ULK4: variants seen among roughly 807,000 people sequenced by gnomAD.
ULK4 encodes inactive serine/threonine-protein kinase ULK4.
In ULK4, 133 loss-of-function variants were observed where a neutral mutation model predicts 160.6. That is an observed-to-expected ratio of 0.83 (90% CI 0.72 to 0.96). The LOEUF is 0.96. Ranked by LOEUF, ULK4 falls within the 40% of genes least tolerant of loss-of-function variation. The pLI is 0.00. For missense variants in ULK4, 1,580 were observed against 1,499.5 expected (o/e 1.05, Z -0.89); for synonymous variants, 534 against 539.8 (o/e 0.99, Z 0.15).
At chr3:41,629,128 A>C (rs1209816700) in intron 30 of ULK4, among the ~76,000 whole-genome samples, 2 of 152,192 alleles carry the variant, frequency 1.3e-5, no homozygotes, top group African/African-American at 4.8e-5. Flanking sequence ...AGCAATAACC[A>C]TTTTATGAAG....
chr3:41,484,138 A>G (rs762032540), intron 32 of ULK4, among the ~76,000 whole-genome samples: 1 of 152,204 alleles, frequency 6.6e-6, no homozygotes, highest in Non-Finnish European at 1.5e-5. Context: ...TGTTCCTAGT[A>G]ATGAGATGCA....
chr3:41,592,804 T>A (rs573719024), intron 31 of ULK4, among the ~76,000 whole-genome samples: 2 of 152,218 alleles, frequency 1.3e-5, no homozygotes, highest in African/African-American at 2.4e-5. Context: ...AAAGTGAGTA[T>A]CTTATCTATG....
intron 31 of ULK4, among the ~76,000 whole-genome samples, chr3:41,608,243 G>C (rs77815709): frequency 1.1e-3 from 172 of 152,238 alleles, no homozygotes; most frequent in Non-Finnish European, 1.6e-3. Context: ...GGCTCAGTCT[G>C]AAAATCCTTT....
At chr3:41,735,304 T>C (rs1043426237) in intron 22 of ULK4, among the ~76,000 whole-genome samples, 5 of 152,170 alleles carry the variant, frequency 3.3e-5, no homozygotes, top group African/African-American at 9.7e-5. Context: ...CAGTAGTATA[T>C]TATGGACAGA....
intron 17 of ULK4, among the ~76,000 whole-genome samples, chr3:41,854,432 T>C (rs2042287366): frequency 6.6e-6 from 1 of 152,092 alleles, no homozygotes; most frequent in African/African-American, 2.4e-5. Flanking sequence ...CTGGGATTAG[T>C]AAAGGCCAGT....
At chr3:41,272,816 G>A (rs1458765306) in intron 35 of ULK4, among the ~76,000 whole-genome samples, 4 of 151,838 alleles carry the variant, frequency 2.6e-5, no homozygotes, top group Non-Finnish European at 5.9e-5. Context: ...GCTTCTATAC[G>A]TTCACACTCA....
At chr3:41,738,012 G>C (rs1385720405) in intron 22 of ULK4, among the ~76,000 whole-genome samples, 1 of 151,826 alleles carries the variant, frequency 6.6e-6, no homozygotes, top group African/African-American at 2.4e-5. Flanking sequence ...CCCCTCTCTA[G>C]TAAGCCATAT....
At chr3:41,381,953 A>G (rs2081662722) in intron 35 of ULK4, among the ~76,000 whole-genome samples, 1 of 152,096 alleles carries the variant, frequency 6.6e-6, no homozygotes, top group Non-Finnish European at 1.5e-5. Context: ...AGTCCCTAGA[A>G]CATACCATGA....
intron 30 of ULK4, among the ~76,000 whole-genome samples, chr3:41,640,032 T>C (rs2034118923): frequency 6.6e-6 from 1 of 152,184 alleles, no homozygotes; most frequent in South Asian, 2.1e-4. Flanking sequence ...AGGATATCAA[T>C]GATTGGATGG....
In ULK4 at chr3:41,935,928, T is replaced by C. The variant is rs754307737; in HGVS notation, c.251A>G (p.Lys84Arg). ...GTTTTCATCTTGAGCAATAACTGTTTTTAAGGAACCACCTGCAAGAGGTTG... is the reference window on the plus strand; with the variant it reads ...GTTTTCATCTTGAGCAATAACTGTTCTTAAGGAACCACCTGCAAGAGGTTG... Reference protein sequence around the residue: ...VVELCTGGSLKTVIAQDENLP... With the variant: ...VVELCTGGSLRTVIAQDENLP... The change falls in exon 4 of 37, where the codon AAA becomes AGA. Residue 84 changes from lysine (K) to arginine (R), a missense_variant. Lys to Arg is a conservative substitution (Grantham distance 26). Transcript: ENST00000301831. The C allele has an allele frequency of 1.2e-6, 2 of 1,613,492 alleles. No homozygotes were observed. The highest frequency in any genetic ancestry group is 4.5e-5 in the East Asian group (2 of 44,854).
At chr3:41,621,291 G>C (rs567141146) in intron 30 of ULK4, among the ~76,000 whole-genome samples, 1 of 152,238 alleles carries the variant, frequency 6.6e-6, no homozygotes, top group East Asian at 1.9e-4. Flanking sequence ...AACCAAAAAA[G>C]AGCCTGTAGA....
intron 32 of ULK4, among the ~76,000 whole-genome samples, chr3:41,506,767 A>AAAAAAAAAAAATATATATATAT: frequency 5.3e-5 from 3 of 56,766 alleles, no homozygotes; most frequent in African/African-American, 2.5e-4. Context: ...TGTGATTTAA[A>AAAAAAAAAAAATATATATATAT]ATATATATAT....
intron 22 of ULK4, among the ~76,000 whole-genome samples, chr3:41,732,744 GAAAAT>G (rs1472162363): frequency 6.6e-6 from 1 of 151,960 alleles, no homozygotes; most frequent in Non-Finnish European, 1.5e-5. Flanking sequence ...AATGGATAAA[GAAAAT>G]AAAGAAAATG....
intron 31 of ULK4, among the ~76,000 whole-genome samples, chr3:41,581,182 G>T (rs536501251): frequency 6.6e-6 from 1 of 152,134 alleles, no homozygotes; most frequent in East Asian, 1.9e-4. Context: ...CTCCCCCAAG[G>T]AATCCTATAT....
intron 35 of ULK4, among the ~76,000 whole-genome samples, chr3:41,382,758 C>G (rs1366727918): frequency 4.6e-5 from 7 of 152,118 alleles, no homozygotes; most frequent in Non-Finnish European, 7.4e-5. Context: ...TAAATATCAA[C>G]TGAACTATAC....
chr3:41,628,239 T>C (rs58620630), intron 30 of ULK4, among the ~76,000 whole-genome samples: 9,345 of 152,202 alleles, frequency 0.061, 426 homozygotes, highest in African/African-American at 0.12. Flanking sequence ...TTGGCTCTAA[T>C]GATAAAAAAT....
At chr3:41,421,412 T>C (rs1467402049) in intron 34 of ULK4, among the ~76,000 whole-genome samples, 1 of 152,220 alleles carries the variant, frequency 6.6e-6, no homozygotes, top group African/African-American at 2.4e-5. Context: ...TTATTTAAAA[T>C]GTTTACTATT....
At chr3:41,326,742 G>A (rs1233640693) in intron 35 of ULK4, among the ~76,000 whole-genome samples, 4 of 152,128 alleles carry the variant, frequency 2.6e-5, no homozygotes, top group South Asian at 2.1e-4. Context: ...AGGACAGATC[G>A]TTTGACTATT....
intron 32 of ULK4, among the ~76,000 whole-genome samples, chr3:41,514,085 A>G (rs1347712188): frequency 6.6e-6 from 1 of 152,204 alleles, no homozygotes; most frequent in Non-Finnish European, 1.5e-5. Context: ...TTTATCCTGA[A>G]CTAGATACCT....
Sources: allele counts gnomAD v4.1 joint callset (sites outside exome capture counted in the v4.1 genomes callset), GRCh38; gene constraint gnomAD v4.1.1; transcripts MANE v1.5; gene names NCBI Gene and HGNC (gene_info 2026-07-23, HGNC 2026-07-21).